Variants in RBFOX1 observed in about 807,000 individuals in gnomAD.
RBFOX1 encodes the protein RNA binding fox-1 homolog 1, also known as RNA binding protein fox-1 homolog 1.
Under a neutral mutation model 57.7 loss-of-function variants are expected in RBFOX1, and 8 were observed. The ratio of observed to expected loss-of-function variants is 0.14; its 90% CI spans 0.08 to 0.25. The LOEUF is 0.25. Ranked by LOEUF, RBFOX1 falls within the 10% of genes least tolerant of loss-of-function variation. RBFOX1 has a pLI of 1.00. For synonymous variants in RBFOX1, 326 were observed against 222.4 expected, an observed-to-expected ratio of 1.47 and a Z score of -4.15; for missense variants, 611 against 548.5, an observed-to-expected ratio of 1.11 and a Z score of -1.14.
intron 3 of RBFOX1, among the ~76,000 whole-genome samples, chr16:6,982,007 C>A (rs2089029934): frequency 6.6e-6 from 1 of 152,170 alleles, no homozygotes; most frequent in Non-Finnish European, 1.5e-5. Context: ...AATACAATTT[C>A]TTTGAACCCT....
At chr16:7,256,997 G>C (rs2094714381) in intron 4 of RBFOX1, among the ~76,000 whole-genome samples, 1 of 152,108 alleles carries the variant, frequency 6.6e-6, no homozygotes, top group Admixed American at 6.5e-5. Flanking sequence ...TACTCGTTCT[G>C]ATCCTGTCTC....
chr16:5,888,728 G>GGAGGTTGCGGT (rs2057962317), intron 4 of RBFOX1, among the ~76,000 whole-genome samples: 1 of 150,396 alleles, frequency 6.6e-6, no homozygotes, highest in South Asian at 2.1e-4. Context: ...TCCGGGAGGT[G>GGAGGTTGCGGT]GAGGTTGCGG....
chr16:6,621,897 G>A (rs1209265165), intron 2 of RBFOX1, among the ~76,000 whole-genome samples: 1 of 151,966 alleles, frequency 6.6e-6, no homozygotes, highest in Non-Finnish European at 1.5e-5. Flanking sequence ...TGGATGACAT[G>A]ATTTAAAAAA....
intron 2 of RBFOX1, among the ~76,000 whole-genome samples, chr16:5,554,622 C>T (rs1408516628): frequency 1.3e-5 from 2 of 152,090 alleles, no homozygotes; most frequent in African/African-American, 2.4e-5. Flanking sequence ...AATGTAATGT[C>T]TATCTTGGGG....
intron 1 of RBFOX1, among the ~76,000 whole-genome samples, chr16:5,332,897 C>T (rs1047896461): frequency 6.6e-5 from 10 of 152,116 alleles, no homozygotes; most frequent in Non-Finnish European, 1.3e-4. Context: ...TTAAAAACTA[C>T]ACTAGAGGCC....
chr16:6,902,038 T>C (rs946418613), intron 3 of RBFOX1, among the ~76,000 whole-genome samples: 7 of 152,206 alleles, frequency 4.6e-5, no homozygotes, highest in Non-Finnish European at 1.5e-5. Flanking sequence ...AGGTTGCACT[T>C]TACCTGACAT....
At chr16:5,367,127 A>T (rs2065739424) in intron 1 of RBFOX1, among the ~76,000 whole-genome samples, 1 of 152,192 alleles carries the variant, frequency 6.6e-6, no homozygotes, top group African/African-American at 2.4e-5. Context: ...AAAACAACTT[A>T]AATTTTTAGA....
chr16:6,036,170 A>AT (rs2095362766), intron 1 of RBFOX1, among the ~76,000 whole-genome samples: 2 of 152,314 alleles, frequency 1.3e-5, no homozygotes, highest in East Asian at 3.9e-4. Flanking sequence ...AGCAAAGAAC[A>AT]TTGAGAAGCT....
rs1040719854 is a variant in RBFOX1 at position 6,138,622 on chromosome 16, C to G, written c.-127+118630C>G. Among the ~76,000 whole-genome samples the G allele has an allele frequency of 3.9e-5, 6 of 152,166 alleles. 1 individual carries two copies. The highest frequency in any genetic ancestry group is 2.0e-4 in the Admixed American group (3 of 15,280). On this transcript the variant is annotated intron_variant, in intron 1 of 15. Transcript: ENST00000550418. Reference sequence around the variant, plus strand: ...GTGGCTCACACCTGTATTCCCAGCACTTTCGGAGGCTGAGGCGGACAGATC... The same window carrying G: ...GTGGCTCACACCTGTATTCCCAGCAGTTTCGGAGGCTGAGGCGGACAGATC...
intron 1 of RBFOX1, among the ~76,000 whole-genome samples, chr16:6,295,071 TTTC>T (rs199651873): frequency 0.02 from 3,054 of 150,976 alleles, 49 homozygotes; most frequent in Non-Finnish European, 0.034. Flanking sequence ...TCCAAGTCCA[TTTC>T]TGGCAAAGAG....
Position 7,525,686 on chromosome 16 carries a change from T to C in RBFOX1, c.270+7297T>C, listed in dbSNP as rs138189864. On this transcript the variant is annotated intron_variant, in intron 5 of 15. Coordinates refer to ENST00000550418, the MANE Select transcript of RBFOX1 (RefSeq NM_018723.4). ...GTACTTTTAGAATTGTTGGGTGTCCTGGAGAAGAAAAATTGAGGTGTGCTG... is the reference window on the plus strand; with the variant it reads ...GTACTTTTAGAATTGTTGGGTGTCCCGGAGAAGAAAAATTGAGGTGTGCTG... Among the ~76,000 whole-genome samples the C allele has an allele frequency of 2.0e-5, 3 of 152,306 alleles. No individual in the cohort carries two copies. In the East Asian group the frequency reaches 5.8e-4, roughly 29 times the overall value.
chr16:6,678,879 A>C (rs1265479439), intron 3 of RBFOX1, among the ~76,000 whole-genome samples: 1 of 152,126 alleles, frequency 6.6e-6, no homozygotes, highest in East Asian at 1.9e-4. Flanking sequence ...CATTGTTTCC[A>C]AGTGTAGCAT....
intron 14 of RBFOX1, among the ~76,000 whole-genome samples, chr16:7,697,632 C>T (rs562974368): frequency 1.3e-5 from 2 of 152,258 alleles, no homozygotes; most frequent in East Asian, 1.9e-4. Flanking sequence ...AAAAAACATA[C>T]ACTCAGGTCC....
chr16:7,228,365 C>T (rs1206776409), intron 4 of RBFOX1, among the ~76,000 whole-genome samples: 1 of 152,136 alleles, frequency 6.6e-6, no homozygotes, highest in Non-Finnish European at 1.5e-5. Flanking sequence ...CTACTACCCC[C>T]CGCTGTCATT....
intron 1 of RBFOX1, among the ~76,000 whole-genome samples, chr16:6,298,228 G>A (rs532166503): frequency 1.2e-4 from 19 of 152,314 alleles, no homozygotes; most frequent in African/African-American, 4.3e-4. Flanking sequence ...CCTGTCTCAT[G>A]TCCTGCGAGG....
chr16:7,019,132 T>G (rs953264517), intron 3 of RBFOX1, among the ~76,000 whole-genome samples: 22 of 152,092 alleles, frequency 1.4e-4, no homozygotes, highest in African/African-American at 5.3e-4. Context: ...TGATACTGAT[T>G]GAGTTGAAAA....
intron 4 of RBFOX1, among the ~76,000 whole-genome samples, chr16:7,079,064 AC>A (rs1223423061): frequency 6.6e-6 from 1 of 151,858 alleles, no homozygotes; most frequent in African/African-American, 2.4e-5. Context: ...TCAACTCATG[AC>A]AGCCTGAAGT....
chr16:6,406,928 A>G (rs944820974), intron 2 of RBFOX1, among the ~76,000 whole-genome samples: 3 of 152,196 alleles, frequency 2.0e-5, no homozygotes, highest in African/African-American at 7.2e-5. Context: ...GGAAAAAACA[A>G]AACTCTGCTG....
intron 4 of RBFOX1, among the ~76,000 whole-genome samples, chr16:7,065,919 G>A (rs1324828870): frequency 6.6e-6 from 1 of 152,036 alleles, no homozygotes; most frequent in East Asian, 1.9e-4. Context: ...TCTGTGTAAG[G>A]CCCTGATCCT....
Sources: allele counts gnomAD v4.1 joint callset (sites outside exome capture counted in the v4.1 genomes callset), GRCh38; gene constraint gnomAD v4.1.1; transcripts MANE v1.5; gene names NCBI Gene and HGNC (gene_info 2026-07-23, HGNC 2026-07-21).